PSMG4: variants seen among roughly 807,000 people sequenced by gnomAD.
The protein encoded by PSMG4 is proteasome assembly chaperone 4, also known as proteasome (prosome, macropain) assembly chaperone 4.
PSMG4 carries 10 observed loss-of-function variants against 11.0 expected under a neutral mutation model. That is an observed-to-expected ratio of 0.91 (90% CI 0.56 to 1.54). The LOEUF is 1.54. PSMG4 is among the 40% of genes most tolerant of loss of function. PSMG4 has a pLI of 0.00. For missense variants in PSMG4, 198 were observed against 160.9 expected (o/e 1.23, Z -1.25); for synonymous variants, 95 against 71.3 (o/e 1.33, Z -1.68).
At chr6:3,256,007 T>G (rs1757749876), upstream of PSMG4, among the ~76,000 whole-genome samples, 1 of 152,210 alleles carries the variant, frequency 6.6e-6, no homozygotes, top group Non-Finnish European at 1.5e-5. Flanking sequence ...GGGGATTGCT[T>G]CTTGGTTGGG....
At chr6:3,255,119 CT>C (rs1757711956), upstream of PSMG4, 1 of 1,550,952 alleles carries the variant, frequency 6.4e-7, no homozygotes, top group Non-Finnish European at 8.7e-7. Context: ...ACATCACCAG[CT>C]TACCACGTAT....
chr6:3,258,679 G>A (rs1041221826), upstream of PSMG4, among the ~76,000 whole-genome samples: 1 of 152,154 alleles, frequency 6.6e-6, no homozygotes, highest in Non-Finnish European at 1.5e-5. Flanking sequence ...ACAAAGCGAG[G>A]GTGAGTTCTG....
chr6:3,256,751 G>C (rs74717431), upstream of PSMG4, among the ~76,000 whole-genome samples: 3 of 152,372 alleles, frequency 2.0e-5, 1 homozygote, highest in East Asian at 5.8e-4. Context: ...AGAGTTGTGA[G>C]TTGTTCTGCA....
At chr6:3,258,210 C>T (rs569847472), upstream of PSMG4, among the ~76,000 whole-genome samples, 2 of 152,282 alleles carry the variant, frequency 1.3e-5, no homozygotes, top group East Asian at 3.9e-4. Flanking sequence ...TCCCATTAAT[C>T]TCTCTTGAGA....
chr6:3,267,689 G>A lies in PSMG4; in HGVS notation c.349G>A (p.Glu117Lys), dbSNP rs1758250407. The A allele has an allele frequency of 6.4e-7, 1 of 1,552,136 alleles. No individual in the cohort carries two copies. The highest frequency in any genetic ancestry group is 2.0e-5 in the Admixed American group (1 of 50,994). ...LVENRIKEEMEAFPEKF is the reference protein window; with the variant it reads ...LVENRIKEEMKAFPEKF ...AGAAAACAGGATCAAGGAAGAGATG[G>A]AGGCTTTCCCCGAAAAGTTCTAGCT... Residue 117 changes from glutamate to lysine, a missense_variant, in exon 3 of 3, where the codon GAG (glutamate) becomes AAG (lysine). Glu to Lys is a moderately conservative substitution (Grantham distance 56). Transcript: ENST00000438998.
At chr6:3,256,745 TTG>T (rs1178884828), upstream of PSMG4, among the ~76,000 whole-genome samples, 3 of 152,106 alleles carry the variant, frequency 2.0e-5, no homozygotes, top group South Asian at 2.1e-4. Flanking sequence ...CCCATCAGAG[TTG>T]TGAGTTGTTC....
chr6:3,263,910 G>A (rs940021906), intron 2 of PSMG4, 151 bp downstream of exon 2: 34 of 1,442,954 alleles, frequency 2.4e-5, no homozygotes, highest in Non-Finnish European at 2.9e-5. Context: ...TGCACGTTGG[G>A]TCTTATTTAA....
intron 2 of PSMG4, 184 bp from the exon 3 acceptor site, chr6:3,267,407 G>T: frequency 1.9e-6 from 1 of 514,840 alleles, no homozygotes; most frequent in East Asian, 3.8e-5. Context: ...GAGACTGGGA[G>T]AGGCCTGAGT....
upstream of PSMG4, chr6:3,255,223 A>G (rs1384569483): frequency 1.9e-6 from 3 of 1,549,624 alleles, no homozygotes; most frequent in South Asian, 1.2e-5. Flanking sequence ...GAGCAAAATC[A>G]ACTCTGGTAA....
intron 1 of PSMG4, among the ~76,000 whole-genome samples, chr6:3,261,048 C>G (rs1406475183): frequency 2.0e-5 from 3 of 152,082 alleles, no homozygotes; most frequent in African/African-American, 7.2e-5. Flanking sequence ...CTCTCTAAGT[C>G]CCTGTGGAAT....
chr6:3,263,658 C>T, intron 1 of PSMG4, 26 bp from the exon 2 acceptor site: 1 of 1,514,318 alleles, frequency 6.6e-7, no homozygotes, highest in Non-Finnish European at 8.9e-7. Context: ...GGAGAAGCTG[C>T]AGTGTGCCCT....
chr6:3,254,906 T>C, upstream of PSMG4: 1 of 872,334 alleles, frequency 1.1e-6, no homozygotes, highest in South Asian at 1.8e-5. Context: ...GTGAATGATC[T>C]CTGAGCTGGT....
intron 1 of PSMG4, among the ~76,000 whole-genome samples, chr6:3,260,596 A>G (rs923887264): frequency 3.3e-5 from 5 of 152,130 alleles, no homozygotes; most frequent in Non-Finnish European, 5.9e-5. Flanking sequence ...GCTAATCTTT[A>G]TCCTAAAGTG....
intron 2 of PSMG4, 146 bp from the exon 3 acceptor site, chr6:3,267,445 T>G (rs1561845389): frequency 2.3e-6 from 2 of 861,972 alleles, no homozygotes; most frequent in Non-Finnish European, 3.4e-6. Context: ...AGCACCTGTC[T>G]GAAGAGAGGC....
At chr6:3,254,610 C>T (rs530597691), upstream of PSMG4, among the ~76,000 whole-genome samples, 54 of 152,082 alleles carry the variant, frequency 3.6e-4, no homozygotes, top group South Asian at 1.9e-3. Context: ...TTCCAGTAGG[C>T]GTAGCTTTAA....
In PSMG4 at chr6:3,260,286, TATA is replaced by T. The variant is rs1168287172; in HGVS notation, c.174+1091_174+1093del. 7.5e-3 allele frequency among the ~76,000 whole-genome samples: 597 copies of T among 80,106 alleles called. 14 individuals are homozygous for T. Among genetic ancestry groups the T allele is most frequent in the African/African-American group, 0.023 (470 of 20,004 alleles). The allele number at this position is 80,106 out of a possible 152,430, so 52.6% of individuals were successfully genotyped here. On this transcript the variant is annotated intron_variant, in intron 1 of 2. Coordinates refer to ENST00000438998, the MANE Select transcript of PSMG4 (RefSeq NM_001128591.2). ...AACCTTGTCTTAAATTGTATATATATATATATTTTTTTTTTTTTTTTTTGAAGC... is the reference window on the plus strand; with the variant it reads ...AACCTTGTCTTAAATTGTATATATATTATTTTTTTTTTTTTTTTTTGAAGC...
chr6:3,255,721 A>G (rs542950718), upstream of PSMG4, among the ~76,000 whole-genome samples: 2 of 152,354 alleles, frequency 1.3e-5, no homozygotes, highest in Non-Finnish European at 2.9e-5. Flanking sequence ...AAGAAGGGGT[A>G]TTGGTAAAAC....
chr6:3,260,289 ATATTTTTT>A (rs1160386879), intron 1 of PSMG4, among the ~76,000 whole-genome samples: 1 of 31,072 alleles, frequency 3.2e-5, no homozygotes, highest in East Asian at 6.3e-4. Context: ...ATATATATAT[ATATTTTTT>A]TTTTTTTTTT....
At chr6:3,261,620 G>A (rs765338976) in intron 1 of PSMG4, among the ~76,000 whole-genome samples, 2 of 152,236 alleles carry the variant, frequency 1.3e-5, no homozygotes, top group Non-Finnish European at 2.9e-5. Context: ...CTTGTCAGAA[G>A]TCCAGTCCCT....
Sources: gnomAD v4.1 joint callset for allele counts (sites outside exome capture counted in the v4.1 genomes callset) on GRCh38, gnomAD v4.1.1 for gene constraint, MANE v1.5 for transcripts, NCBI Gene and HGNC (gene_info 2026-07-23, HGNC 2026-07-21) for gene names.